Variants in DSCAM observed in about 807,000 individuals in gnomAD.
The protein encoded by DSCAM is cell adhesion molecule DSCAM.
A neutral mutation model predicts 217.7 loss-of-function variants in DSCAM; 47 were observed. The observed-to-expected ratio is 0.22, with a 90% CI of 0.17 to 0.28. The LOEUF is 0.28. DSCAM is among the 10% of genes least tolerant of loss of function. The probability of loss-of-function intolerance (pLI) is 1.00; values close to 1 mark genes in which losing one functional copy is unlikely to be tolerated. For missense variants in DSCAM, 2,080 were observed against 2,618.3 expected (o/e 0.79, Z 4.49); for synonymous variants, 1,056 against 1,015.3 (o/e 1.04, Z -0.76).
chr21:40,822,604 C>T (rs2123600309), intron 1 of DSCAM, among the ~76,000 whole-genome samples: 1 of 152,200 alleles, frequency 6.6e-6, no homozygotes, highest in East Asian at 1.9e-4. Context: ...AATGAATGCT[C>T]TCCTTCTAAG....
intron 27 of DSCAM, among the ~76,000 whole-genome samples, chr21:40,074,654 C>T (rs2089338975): frequency 6.6e-6 from 1 of 152,204 alleles, no homozygotes; most frequent in African/African-American, 2.4e-5. Context: ...TTTCCACTTC[C>T]AGTCAGTCAA....
intron 3 of DSCAM, among the ~76,000 whole-genome samples, chr21:40,683,505 G>A (rs1462262159): frequency 1.3e-5 from 2 of 152,120 alleles, no homozygotes; most frequent in African/African-American, 2.4e-5. Flanking sequence ...TTAGCAAAGG[G>A]AAAGGTTTCT....
chr21:40,609,762 C>A (rs944275552), intron 3 of DSCAM, among the ~76,000 whole-genome samples: 1 of 152,106 alleles, frequency 6.6e-6, no homozygotes, highest in Non-Finnish European at 1.5e-5. Flanking sequence ...AAATAGAAAC[C>A]CTTATTAGAA....
At chr21:40,259,893 A>G (rs2073426868) in intron 11 of DSCAM, among the ~76,000 whole-genome samples, 1 of 151,690 alleles carries the variant, frequency 6.6e-6, no homozygotes, top group Admixed American at 6.6e-5. Context: ...CAAGAGTACT[A>G]GTTTTTTGTA....
At chr21:40,051,275 T>C (rs1395335304) in intron 30 of DSCAM, among the ~76,000 whole-genome samples, 1 of 152,164 alleles carries the variant, frequency 6.6e-6, no homozygotes, top group Non-Finnish European at 1.5e-5. Flanking sequence ...GAAATAAGAG[T>C]ATCTAATTAA....
At chr21:40,410,057 C>G (rs988755080) in intron 3 of DSCAM, among the ~76,000 whole-genome samples, 4 of 151,616 alleles carry the variant, frequency 2.6e-5, no homozygotes, top group Non-Finnish European at 4.4e-5. Context: ...AGAAATGAAA[C>G]AGATGATAAA....
intron 3 of DSCAM, among the ~76,000 whole-genome samples, chr21:40,525,983 T>A (rs2076397319): frequency 1.3e-5 from 2 of 151,720 alleles, no homozygotes; most frequent in South Asian, 2.1e-4. Context: ...CAGGTGGGAC[T>A]GAACCCCAGT....
At chr21:40,463,018 T>A (rs1038944926) in intron 3 of DSCAM, among the ~76,000 whole-genome samples, 3 of 152,196 alleles carry the variant, frequency 2.0e-5, no homozygotes, top group Non-Finnish European at 2.9e-5. Flanking sequence ...TGCTACTATT[T>A]CCTCTTTGAC....
chr21:40,740,461 C>G (rs1476700018), intron 1 of DSCAM, among the ~76,000 whole-genome samples: 2 of 152,186 alleles, frequency 1.3e-5, no homozygotes, highest in Non-Finnish European at 2.9e-5. Flanking sequence ...CACATTAGAG[C>G]CATTGGGAAT....
At chr21:40,703,316 G>A (rs1037775634) in intron 2 of DSCAM, among the ~76,000 whole-genome samples, 4 of 152,028 alleles carry the variant, frequency 2.6e-5, no homozygotes, top group East Asian at 1.9e-4. Flanking sequence ...AGGAGTTAGC[G>A]ACCATCCTGG....
intron 5 of DSCAM, among the ~76,000 whole-genome samples, chr21:40,353,116 C>G (rs1294015322): frequency 1.3e-5 from 2 of 152,186 alleles, no homozygotes; most frequent in African/African-American, 2.4e-5. Flanking sequence ...CCCTCTCTCT[C>G]TGTTCATTTT....
At position 40,078,844 on chromosome 21, in the gene DSCAM, G is replaced by C; in HGVS notation, c.4554C>G (p.Thr1518=). The change falls in exon 26 of 33, where the codon ACC becomes ACG. Residue 1518 remains threonine, a synonymous_variant. Transcript: ENST00000400454. ...SFTLEYRPFG[T]TVWTTAQRTS... ...TCCTCTGAGCTGTGGTCCAAACTGTGGTCCCAAAGGGCCTGTACTCTAGTG... is the reference window on the plus strand; with the variant it reads ...TCCTCTGAGCTGTGGTCCAAACTGTCGTCCCAAAGGGCCTGTACTCTAGTG... 1 of 1,614,198 alleles carries C rather than the reference G, an allele frequency of 6.2e-7. No individual in the cohort carries two copies. Among genetic ancestry groups the C allele is most frequent in the African/African-American group, 1.3e-5 (1 of 75,056 alleles).
At chr21:40,348,053 C>A in intron 5 of DSCAM, 108 bp from the exon 6 acceptor site, 1 of 1,172,594 alleles carries the variant, frequency 8.5e-7, no homozygotes, top group Non-Finnish European at 1.2e-6. Context: ...CAATCATACT[C>A]CACACAGTTC....
At chr21:40,721,424 G>A (rs2090900115) in intron 1 of DSCAM, among the ~76,000 whole-genome samples, 1 of 152,052 alleles carries the variant, frequency 6.6e-6, no homozygotes, top group Non-Finnish European at 1.5e-5. Context: ...AAGACAGTAG[G>A]AAAAAGGAAG....
At chr21:40,780,554 AATTTCTAATCCCCAGTT>A (rs2091535054) in intron 1 of DSCAM, among the ~76,000 whole-genome samples, 1 of 151,462 alleles carries the variant, frequency 6.6e-6, no homozygotes, top group Non-Finnish European at 1.5e-5. Context: ...TCATGTGTTG[AATTTCTAATCCCCAGTT>A]GCTCAGAATG....
intron 3 of DSCAM, among the ~76,000 whole-genome samples, chr21:40,485,925 TA>T (rs1378444290): frequency 6.6e-6 from 1 of 152,214 alleles, no homozygotes; most frequent in Non-Finnish European, 1.5e-5. Context: ...TTACTTTTAT[TA>T]AATGTTTTTA....
chr21:40,167,402 A>G, intron 15 of DSCAM, 114 bp from the exon 16 acceptor site: 3 of 889,252 alleles, frequency 3.4e-6, no homozygotes, highest in Admixed American at 2.3e-5. Flanking sequence ...TGGCACAGAG[A>G]AAGAAGTTTT....
intron 11 of DSCAM, among the ~76,000 whole-genome samples, chr21:40,219,962 T>G (rs963959950): frequency 6.6e-6 from 1 of 152,222 alleles, no homozygotes; most frequent in African/African-American, 2.4e-5. Context: ...TAAAAGATAC[T>G]AAATAGCTGT....
chr21:40,182,578 T>C (rs113814371), intron 14 of DSCAM, among the ~76,000 whole-genome samples: 3,663 of 93,166 alleles, frequency 0.039, 176 homozygotes, highest in African/African-American at 0.13. Context: ...CCAGAGAAAC[T>C]GTGGACAGGA....
Sources: allele counts gnomAD v4.1 joint callset (sites outside exome capture counted in the v4.1 genomes callset), GRCh38; gene constraint gnomAD v4.1.1; transcripts MANE v1.5; gene names NCBI Gene and HGNC (gene_info 2026-07-23, HGNC 2026-07-21).